The following PPHLN1 variants were observed in gnomAD, a reference collection of about 807,000 sequenced individuals.
PPHLN1 encodes periphilin-1.
A neutral mutation model predicts 51.3 loss-of-function variants in PPHLN1; 29 were observed. That is an observed-to-expected ratio of 0.57 (90% CI 0.42 to 0.77). PPHLN1 has a LOEUF of 0.77. Ranked by LOEUF, PPHLN1 falls within the 30% of genes least tolerant of loss-of-function variation. PPHLN1 has a pLI of 0.00. For synonymous variants in PPHLN1, 147 were observed against 147.8 expected (o/e 0.99, Z 0.04); for missense variants, 436 against 438.4 (o/e 0.99, Z 0.05).
At chr12:42,392,193 G>A (rs2077786413) in intron 7 of PPHLN1, among the ~76,000 whole-genome samples, 2 of 152,162 alleles carry the variant, frequency 1.3e-5, no homozygotes, top group South Asian at 4.1e-4. Context: ...TTGAGCCTGG[G>A]TGACAGAGTG....
chr12:42,381,134 C>G (rs1056939344), intron 5 of PPHLN1, among the ~76,000 whole-genome samples: 3 of 152,162 alleles, frequency 2.0e-5, no homozygotes. Context: ...TAGGCCATCA[C>G]TTGATCTAGA....
rs375930516 is a variant in PPHLN1 at position 42,373,271 on chromosome 12, A to T, written c.300-1592A>T. 1.1e-4 allele frequency among the ~76,000 whole-genome samples: 17 copies of T among 152,256 alleles called. No homozygotes were observed. In the East Asian group the frequency reaches 2.9e-3, roughly 26 times the overall value. Reference sequence around the variant, plus strand: ...CTGGCTAACCAGTGCTGTTGGTATGACCCTTGTAGTTTTAGTGACTAAACT... The same window carrying T: ...CTGGCTAACCAGTGCTGTTGGTATGTCCCTTGTAGTTTTAGTGACTAAACT... On this transcript the variant is annotated intron_variant, in intron 4 of 9. Transcript: ENST00000358314.
rs752619356 is a variant in PPHLN1 at position 42,378,143 on chromosome 12, TCTTTCTTTC to T, written c.511+3070_511+3078del. ...TTCTTTCTTTCTTTCTTTCTTTCTTTCTTTCTTTCAAGTTATTTAGCTTTGAAAGTAAAG... is the reference window on the plus strand; with the variant it reads ...TTCTTTCTTTCTTTCTTTCTTTCTTTAAGTTATTTAGCTTTGAAAGTAAAG... On this transcript the variant is annotated intron_variant, in intron 5 of 9. Transcript: ENST00000358314. Among the ~76,000 whole-genome samples, 624 of 130,480 alleles carry T rather than the reference TCTTTCTTTC, an allele frequency of 4.8e-3. 5 individuals are homozygous for T. Among genetic ancestry groups the T allele is most frequent in the African/African-American group, 0.015 (543 of 35,466 alleles). 85.6% of individuals were successfully genotyped at this position (130,480 alleles called of 152,430 possible).
At chr12:42,445,580 C>T (rs61926600), downstream of PPHLN1, 30,385 of 191,574 alleles carry the variant, frequency 0.16, 2,537 homozygotes, top group Admixed American at 0.21. Context: ...TGGGGCAGCC[C>T]ACAAAAATTA....
intron 9 of PPHLN1, among the ~76,000 whole-genome samples, chr12:42,406,521 C>T (rs1379862787): frequency 6.6e-6 from 1 of 152,038 alleles, no homozygotes; most frequent in Non-Finnish European, 1.5e-5. Context: ...TTGCATTTGC[C>T]TGATTAGTGA....
chr12:42,404,083 A>AT (rs2079073956), intron 9 of PPHLN1, among the ~76,000 whole-genome samples: 1 of 149,994 alleles, frequency 6.7e-6, no homozygotes, highest in African/African-American at 2.5e-5. Flanking sequence ...TTCTCTAATT[A>AT]TAAGTTCTCT....
At chr12:42,410,485 G>C (rs1409048754) in intron 9 of PPHLN1, among the ~76,000 whole-genome samples, 2 of 152,118 alleles carry the variant, frequency 1.3e-5, no homozygotes, top group African/African-American at 4.8e-5. Flanking sequence ...AGGCTGAAAG[G>C]AAAATTACCT....
At chr12:42,400,734 A>G (rs2078742876) in intron 9 of PPHLN1, among the ~76,000 whole-genome samples, 1 of 151,874 alleles carries the variant, frequency 6.6e-6, no homozygotes, top group South Asian at 2.1e-4. Context: ...CTTGATTGAA[A>G]TAACAGGGGA....
chr12:42,364,915 T>C (rs1032530598), intron 4 of PPHLN1, among the ~76,000 whole-genome samples: 2 of 152,206 alleles, frequency 1.3e-5, no homozygotes, highest in African/African-American at 4.8e-5. Context: ...AGACTCCGCC[T>C]TAAAAAAACA....
At chr12:42,379,668 A>G (rs1453453887) in intron 5 of PPHLN1, among the ~76,000 whole-genome samples, 1 of 152,058 alleles carries the variant, frequency 6.6e-6, no homozygotes, top group Non-Finnish European at 1.5e-5. Flanking sequence ...AATGCCTCTT[A>G]GGCTGTACTT....
At chr12:42,391,223 A>G (rs1348700205) in intron 7 of PPHLN1, among the ~76,000 whole-genome samples, 3 of 152,256 alleles carry the variant, frequency 2.0e-5, no homozygotes, top group African/African-American at 7.2e-5. Context: ...ACAATAAGTT[A>G]TAGTAGGCTT....
chr12:42,350,066 C>CG (rs1252593310), intron 2 of PPHLN1: 1 of 147,466 alleles, frequency 6.8e-6, no homozygotes, highest in Non-Finnish European at 1.5e-5. Flanking sequence ...GGCTGCCGGG[C>CG]GGGGGCGCCC....
In PPHLN1 at chr12:42,441,617, TTA is replaced by T. The variant is rs962352045; in HGVS notation, c.*110_*111del. The T allele has an allele frequency of 9.7e-6, 13 of 1,343,474 alleles. No homozygotes were observed. In the African/African-American group the frequency reaches 1.6e-4, roughly 17 times the overall value. The allele number at this position is 1,343,474 out of a possible 1,614,324, so 83.2% of individuals were successfully genotyped here. ...AATTTTTGTGATGCAGAGAAATACT[TTA>T]TGATAGTTGACAACATTTCAGTATT... is the stretch of plus-strand genomic sequence containing the variant. On this transcript the variant is annotated 3_prime_UTR_variant, in exon 10 of 10. Coordinates refer to ENST00000358314, the MANE Select transcript of PPHLN1 (RefSeq NM_201439.2).
At chr12:42,372,172 T>C (rs1169314988) in intron 4 of PPHLN1, among the ~76,000 whole-genome samples, 1 of 151,976 alleles carries the variant, frequency 6.6e-6, no homozygotes, top group Non-Finnish European at 1.5e-5. Context: ...ATATTACCAC[T>C]TTATCAAAAA....
intron 9 of PPHLN1, among the ~76,000 whole-genome samples, chr12:42,417,346 A>G (rs986598634): frequency 6.6e-6 from 1 of 152,156 alleles, no homozygotes; most frequent in Non-Finnish European, 1.5e-5. Flanking sequence ...AATAAAGGAC[A>G]ACATTTTTGA....
chr12:42,340,332 T>A (rs760310773), intron 2 of PPHLN1, among the ~76,000 whole-genome samples: 33 of 149,024 alleles, frequency 2.2e-4, no homozygotes, highest in Non-Finnish European at 3.3e-4. Context: ...AAAAAAAAGA[T>A]TTAAAAATAT....
chr12:42,405,180 T>C (rs2079183469), intron 9 of PPHLN1, among the ~76,000 whole-genome samples: 1 of 152,250 alleles, frequency 6.6e-6, no homozygotes, highest in Admixed American at 6.5e-5. Context: ...TGTTTCCTCC[T>C]TAGAATTCTC....
chr12:42,330,639 T>C (rs1224744719), intron 1 of PPHLN1, among the ~76,000 whole-genome samples: 2 of 152,240 alleles, frequency 1.3e-5, no homozygotes, highest in Non-Finnish European at 2.9e-5. Flanking sequence ...GAGCACAGGG[T>C]TGGGGCTAAA....
chr12:42,329,309 G>T (rs1462233148), intron 1 of PPHLN1, among the ~76,000 whole-genome samples: 1 of 151,812 alleles, frequency 6.6e-6, no homozygotes, highest in Non-Finnish European at 1.5e-5. Flanking sequence ...GTTTCACCGT[G>T]TTAGCCAGTA....
Sources: gnomAD v4.1 joint callset for allele counts (sites outside exome capture counted in the v4.1 genomes callset) on GRCh38, gnomAD v4.1.1 for gene constraint, MANE v1.5 for transcripts, NCBI Gene and HGNC (gene_info 2026-07-23, HGNC 2026-07-21) for gene names.